TMEM71: variants seen among roughly 807,000 people sequenced by gnomAD.
The protein encoded by TMEM71 is transmembrane protein 71.
Under a neutral mutation model 38.0 loss-of-function variants are expected in TMEM71, and 44 were observed. The observed-to-expected ratio is 1.16, with a 90% CI of 0.91 to 1.49. The LOEUF (loss-of-function observed/expected upper bound fraction) is 1.49. Ranked by LOEUF, TMEM71 falls within the 40% of genes most tolerant of loss-of-function variation. The pLI is 0.00. For synonymous variants in TMEM71, 133 were observed against 122.5 expected (o/e 1.09, Z -0.56); for missense variants, 367 against 348.6 (o/e 1.05, Z -0.42).
the TMEM71 span, among the ~76,000 whole-genome samples, chr8:132,773,248 C>G: frequency 6.6e-6 from 1 of 152,300 alleles, no homozygotes. Flanking sequence ...CAATAAAATA[C>G]CATCCTCCAT....
chr8:132,746,366 C>CATATATATACATATATATATACAT (rs1168929632), intron 5 of TMEM71, among the ~76,000 whole-genome samples: 13 of 20,652 alleles, frequency 6.3e-4, no homozygotes, highest in South Asian at 2.8e-3. Flanking sequence ...TATACACACA[C>CATATATATACATATATATATACAT]ATATATATAC....
downstream of TMEM71, among the ~76,000 whole-genome samples, chr8:132,706,103 G>A (rs1461462322): frequency 6.6e-6 from 1 of 152,078 alleles, no homozygotes; most frequent in Non-Finnish European, 1.5e-5. Flanking sequence ...TGCAAACCAG[G>A]AAGTGAGCCC....
chr8:132,750,395 C>G (rs1828641100), intron 4 of TMEM71, among the ~76,000 whole-genome samples: 1 of 152,164 alleles, frequency 6.6e-6, no homozygotes, highest in African/African-American at 2.4e-5. Context: ...TGGTAGAAGA[C>G]TGATGCACAC....
chr8:132,770,040 G>C, the TMEM71 span, among the ~76,000 whole-genome samples: 1 of 152,134 alleles, frequency 6.6e-6, no homozygotes, highest in Non-Finnish European at 1.5e-5. Flanking sequence ...GCTGTGTTCT[G>C]TTGCTCACCC....
Position 132,710,804 on chromosome 8 carries a change from AC to A in TMEM71, c.*162del. 1 of 683,408 alleles carries A rather than the reference AC, an allele frequency of 1.5e-6. No homozygotes were observed. The highest frequency in any genetic ancestry group is 1.7e-5 in the South Asian group (1 of 59,082). The allele number at this position is 683,408 out of a possible 1,614,324, so 42.3% of individuals were successfully genotyped here. A position where few individuals can be genotyped will look rare whatever the true frequency, so the allele number is the denominator to read the frequency against. Reference sequence around the variant, plus strand: ...AGCATATTATAATTTTGATGGAAAAACTGAGATCATTTTAAAATCACATAGT... The same window carrying A: ...AGCATATTATAATTTTGATGGAAAAATGAGATCATTTTAAAATCACATAGT... On this transcript the variant is annotated 3_prime_UTR_variant, in exon 10 of 10. Transcript: ENST00000677595.
chr8:132,726,595 A>G (rs971797429), intron 6 of TMEM71, among the ~76,000 whole-genome samples: 1 of 152,192 alleles, frequency 6.6e-6, no homozygotes, highest in Non-Finnish European at 1.5e-5. Flanking sequence ...CTTCTGAGTT[A>G]TAGCTAAGGA....
chr8:132,739,514 T>C (rs566155905), intron 5 of TMEM71, among the ~76,000 whole-genome samples: 2 of 152,250 alleles, frequency 1.3e-5, no homozygotes, highest in Non-Finnish European at 2.9e-5. Flanking sequence ...GGTTTCACCA[T>C]GTTAGCCAGG....
the TMEM71 span, among the ~76,000 whole-genome samples, chr8:132,766,793 A>AG: frequency 3.9e-5 from 3 of 76,486 alleles, no homozygotes; most frequent in Admixed American, 1.5e-4. Context: ...TAAAAAAAAA[A>AG]AATAAAAATA....
chr8:132,744,996 C>T (rs562961790), intron 5 of TMEM71, among the ~76,000 whole-genome samples: 1 of 152,136 alleles, frequency 6.6e-6, no homozygotes, highest in Admixed American at 6.6e-5. Context: ...TGGACCTCTA[C>T]CTTTCACCAT....
intron 6 of TMEM71, among the ~76,000 whole-genome samples, chr8:132,724,731 T>C (rs1307998092): frequency 1.3e-5 from 2 of 152,196 alleles, no homozygotes; most frequent in Non-Finnish European, 2.9e-5. Flanking sequence ...TAACAAATTA[T>C]GAAAGCATTA....
At chr8:132,712,472 T>C (rs997951244) in intron 9 of TMEM71, among the ~76,000 whole-genome samples, 1 of 152,104 alleles carries the variant, frequency 6.6e-6, no homozygotes, top group Non-Finnish European at 1.5e-5. Flanking sequence ...TCCCTGAACA[T>C]ACTCCCCACT....
chr8:132,746,488 C>CATATATATATACATATATATATACAT lies in TMEM71; in HGVS notation c.487+453_487+454insATGTATATATATATGTATATATATAT, dbSNP rs58252714. ...ACATATATATATACATATATATATA[C>CATATATATATACATATATATATACAT]ATATATATACATATATATGTATATA... On this transcript the variant is annotated intron_variant, in intron 5 of 9. Coordinates refer to ENST00000677595, the MANE Select transcript of TMEM71 (RefSeq NM_001382403.1). Among the ~76,000 whole-genome samples, 155 of 54,240 alleles carry CATATATATATACATATATATATACAT rather than the reference C, an allele frequency of 2.9e-3. 5 individuals are homozygous for CATATATATATACATATATATATACAT. The highest frequency in any genetic ancestry group is 4.0e-3 in the African/African-American group (94 of 23,302). The allele number at this position is 54,240 out of a possible 152,430, so 35.6% of individuals were successfully genotyped here. A position where few individuals can be genotyped will look rare whatever the true frequency, so the allele number is the denominator to read the frequency against.
intron 7 of TMEM71, among the ~76,000 whole-genome samples, chr8:132,718,227 T>A (rs1323480052): frequency 6.7e-6 from 1 of 150,334 alleles, no homozygotes; most frequent in Non-Finnish European, 1.5e-5. Flanking sequence ...AAATAATTTT[T>A]AAAATCTGTT....
At chr8:132,725,652 C>A (rs565894054) in intron 6 of TMEM71, among the ~76,000 whole-genome samples, 1 of 152,122 alleles carries the variant, frequency 6.6e-6, no homozygotes. Flanking sequence ...AAGATGGAGA[C>A]CTTGTCCACC....
the TMEM71 span, among the ~76,000 whole-genome samples, chr8:132,769,323 T>C: frequency 1.3e-5 from 2 of 152,254 alleles, no homozygotes; most frequent in Admixed American, 6.5e-5. Context: ...AAATGATTTA[T>C]ATTTAGCTTC....
chr8:132,770,537 G>T, the TMEM71 span, among the ~76,000 whole-genome samples: 2 of 152,054 alleles, frequency 1.3e-5, no homozygotes, highest in Non-Finnish European at 2.9e-5. Flanking sequence ...TTGTTTTTAC[G>T]GTCGCCAGGA....
intron 6 of TMEM71, among the ~76,000 whole-genome samples, chr8:132,724,818 C>A (rs1827047624): frequency 1.3e-5 from 2 of 152,168 alleles, no homozygotes; most frequent in African/African-American, 4.8e-5. Flanking sequence ...TCCCTCCATT[C>A]AGGGTCCCTG....
At chr8:132,709,504 A>AT (rs1368246073), downstream of TMEM71, among the ~76,000 whole-genome samples, 1 of 152,174 alleles carries the variant, frequency 6.6e-6, no homozygotes, top group Non-Finnish European at 1.5e-5. Context: ...TAAGTCAAAG[A>AT]TTTTATCTTG....
At chr8:132,756,322 C>T (rs932444671) in intron 3 of TMEM71, among the ~76,000 whole-genome samples, 1 of 149,262 alleles carries the variant, frequency 6.7e-6, no homozygotes, top group African/African-American at 2.5e-5. Context: ...CAGATTGAGA[C>T]AAAGTAACAA....
Sources: gnomAD v4.1 joint callset for allele counts (sites outside exome capture counted in the v4.1 genomes callset) on GRCh38, gnomAD v4.1.1 for gene constraint, MANE v1.5 for transcripts, NCBI Gene and HGNC (gene_info 2026-07-23, HGNC 2026-07-21) for gene names.